The following ZDHHC13 variants were observed in gnomAD, a reference collection of about 807,000 sequenced individuals.
ZDHHC13 encodes the protein palmitoyltransferase ZDHHC13.
ZDHHC13 carries 85 observed loss-of-function variants against 86.0 expected under a neutral mutation model. The ratio of observed to expected loss-of-function variants is 0.99; its 90% confidence interval spans 0.83 to 1.18. The LOEUF is 1.18. Ranked by LOEUF, ZDHHC13 falls within the 50% of genes most tolerant of loss-of-function variation. ZDHHC13 has a pLI of 0.00. For missense variants in ZDHHC13, 711 were observed against 730.2 expected (o/e 0.97, Z 0.30); for synonymous variants, 263 against 246.4 (o/e 1.07, Z -0.63).
Position 19,152,545 on chromosome 11 carries a change from T to C in ZDHHC13, c.748-14T>C, listed in dbSNP as rs2133429923. On this transcript the variant is annotated splice_polypyrimidine_tract_variant and intron_variant, in intron 7 of 16. Coordinates refer to ENST00000446113, the MANE Select transcript of ZDHHC13 (RefSeq NM_019028.3). ...AAAAATACTTTTAAACTTTTTACCC[T>C]ACTCTTTTTTAAGGGAGAAACACCT... The C allele has an allele frequency of 6.3e-7, 1 of 1,586,840 alleles. No homozygotes were observed. The highest frequency in any genetic ancestry group is 1.7e-4 in the Middle Eastern group (1 of 5,924).
At chr11:19,163,254 T>G in intron 10 of ZDHHC13, 49 bp from the exon 11 acceptor site, 2 of 1,539,502 alleles carry the variant, frequency 1.3e-6, no homozygotes, top group Non-Finnish European at 1.7e-6. Context: ...ACATCATAAT[T>G]ACATTATTTT....
At chr11:19,166,444 T>C in intron 14 of ZDHHC13, 59 bp downstream of exon 14, 1 of 1,328,832 alleles carries the variant, frequency 7.5e-7, no homozygotes, top group Non-Finnish European at 1.1e-6. Context: ...CTACTTTTCC[T>C]TGTAAACCCT....
intron 1 of ZDHHC13, among the ~76,000 whole-genome samples, chr11:19,127,861 T>C (rs1044885285): frequency 1.8e-4 from 28 of 152,238 alleles, no homozygotes; most frequent in African/African-American, 6.0e-4. Flanking sequence ...AGTGCTATAG[T>C]ATCGTTTGAA....
chr11:19,163,191 C>T, intron 10 of ZDHHC13, 112 bp from the exon 11 acceptor site: 1 of 1,103,590 alleles, frequency 9.1e-7, no homozygotes, highest in Non-Finnish European at 1.2e-6. Context: ...GGGGCAGGGA[C>T]ATGTGTGCAT....
At position 19,120,215 on chromosome 11, in the gene ZDHHC13, G is replaced by A. The variant is rs144560007; in HGVS notation, c.27+2939G>A. Among the ~76,000 whole-genome samples, 3 of 152,316 alleles carry A rather than the reference G, an allele frequency of 2.0e-5. No individual in the cohort carries two copies. The East Asian group carries it at 5.8e-4, about 29-fold the overall frequency. ...TGGCTTTGTCATGCTCATGGACTCTGTGTGTCAGGGACTTGGAGAGACTGC... is the reference window on the plus strand; with the variant it reads ...TGGCTTTGTCATGCTCATGGACTCTATGTGTCAGGGACTTGGAGAGACTGC... On this transcript the variant is annotated intron_variant, in intron 1 of 16. Transcript: ENST00000446113.
At chr11:19,144,521 G>A (rs1198054795) in intron 2 of ZDHHC13, among the ~76,000 whole-genome samples, 1 of 151,164 alleles carries the variant, frequency 6.6e-6, no homozygotes, top group East Asian at 1.9e-4. Context: ...TAAAATAAAG[G>A]GAGTATTTAT....
intron 16 of ZDHHC13, among the ~76,000 whole-genome samples, chr11:19,174,537 G>A (rs1850307518): frequency 6.6e-6 from 1 of 152,250 alleles, no homozygotes; most frequent in Admixed American, 6.5e-5. Context: ...CAGCAACGCA[G>A]TCATCCTCAT....
chr11:19,136,058 A>C (rs1360665848), intron 1 of ZDHHC13, among the ~76,000 whole-genome samples: 1 of 152,264 alleles, frequency 6.6e-6, no homozygotes, highest in African/African-American at 2.4e-5. Context: ...CAGCAACGGA[A>C]CAAAGCTGGA....
chr11:19,133,937 A>ATG (rs1316174538), intron 1 of ZDHHC13, among the ~76,000 whole-genome samples: 21 of 101,682 alleles, frequency 2.1e-4, no homozygotes, highest in African/African-American at 5.9e-4. Context: ...ATATATATAT[A>ATG]TATATACACG....
At chr11:19,162,005 C>G (rs1401784884) in intron 10 of ZDHHC13, among the ~76,000 whole-genome samples, 2 of 152,082 alleles carry the variant, frequency 1.3e-5, no homozygotes, top group African/African-American at 4.8e-5. Flanking sequence ...GAGAGAATGA[C>G]AAATGGGAGC....
At chr11:19,143,230 A>G (rs1017072379) in intron 2 of ZDHHC13, 107 bp downstream of exon 2, 7 of 1,156,196 alleles carry the variant, frequency 6.1e-6, no homozygotes, top group African/African-American at 4.6e-5. Flanking sequence ...ACTTCATAAT[A>G]GTAGTTAACA....
chr11:19,117,302 C>T lies in ZDHHC13; in HGVS notation c.27+26C>T, dbSNP rs779483708. Reference sequence around the variant, plus strand: ...GTGAGTGCGGCCGGGCGGTGGCTGTCCTGGGGGCCGGGAGAGCGGCTGCAG... The same window carrying T: ...GTGAGTGCGGCCGGGCGGTGGCTGTTCTGGGGGCCGGGAGAGCGGCTGCAG... On this transcript the variant is annotated intron_variant, in intron 1 of 16. Coordinates refer to ENST00000446113, the MANE Select transcript of ZDHHC13 (RefSeq NM_019028.3). This position sits in a 1 kb window ranked among gnomAD's most constrained non-coding sequence, Gnocchi z 4.2. The T allele has an allele frequency of 1.6e-4, 238 of 1,456,352 alleles. No homozygotes were observed. The highest frequency in any genetic ancestry group is 2.1e-4 in the Non-Finnish European group (229 of 1,104,100). The allele number at this position is 1,456,352 out of a possible 1,614,324, so 90.2% of individuals were successfully genotyped here.
intron 2 of ZDHHC13, among the ~76,000 whole-genome samples, chr11:19,144,464 TG>T (rs1849404177): frequency 6.6e-6 from 1 of 150,708 alleles, no homozygotes; most frequent in Non-Finnish European, 1.5e-5. Context: ...TGTGTGTGTG[TG>T]TTTTCTAAAC....
chr11:19,158,127 A>G (rs995546804), intron 9 of ZDHHC13, among the ~76,000 whole-genome samples: 2 of 152,146 alleles, frequency 1.3e-5, no homozygotes, highest in South Asian at 4.1e-4. Context: ...TGGATTCTTT[A>G]GTTCTTCTCA....
intron 9 of ZDHHC13, 151 bp from the exon 10 acceptor site, chr11:19,158,789 A>G (rs772419776): frequency 5.8e-6 from 3 of 518,816 alleles, no homozygotes; most frequent in East Asian, 3.1e-5. Flanking sequence ...CTATTACCAC[A>G]TGGAAAGTGA....
intron 8 of ZDHHC13, among the ~76,000 whole-genome samples, chr11:19,154,955 A>G (rs934637833): frequency 6.6e-6 from 1 of 152,206 alleles, no homozygotes; most frequent in Admixed American, 6.5e-5. Flanking sequence ...CCAGAATGCT[A>G]GACCTACTTT....
At chr11:19,175,177 A>G (rs528897388) in intron 16 of ZDHHC13, among the ~76,000 whole-genome samples, 52 of 151,962 alleles carry the variant, frequency 3.4e-4, no homozygotes, top group African/African-American at 1.1e-3. Context: ...TCACGAGGTC[A>G]GGAGATTGAG....
intron 1 of ZDHHC13, among the ~76,000 whole-genome samples, chr11:19,123,778 A>G (rs1162133321): frequency 1.4e-5 from 2 of 141,424 alleles, no homozygotes; most frequent in African/African-American, 5.9e-5. Context: ...CAGTATACCT[A>G]ACAACAACAA....
At chr11:19,142,906 C>T (rs1280842554) in intron 1 of ZDHHC13, 72 bp from the exon 2 acceptor site, 10 of 1,430,690 alleles carry the variant, frequency 7.0e-6, no homozygotes, top group Admixed American at 2.5e-5. Flanking sequence ...TTGATAGTAG[C>T]AAATGCTTCA....
Sources: allele counts gnomAD v4.1 joint callset (sites outside exome capture counted in the v4.1 genomes callset), GRCh38; gene constraint gnomAD v4.1.1; non-coding constraint Gnocchi (gnomAD v3.1); transcripts MANE v1.5; gene names NCBI Gene and HGNC (gene_info 2026-07-23, HGNC 2026-07-21).